The following KAZN variants were observed in gnomAD, a reference collection of about 807,000 sequenced individuals.
KAZN encodes kazrin.
KAZN carries 40 observed loss-of-function variants against 87.4 expected under a neutral mutation model. The ratio of observed to expected loss-of-function variants is 0.46; its 90% CI spans 0.36 to 0.60. The LOEUF is 0.60. Among genes scored for constraint, KAZN ranks in the 20% least tolerant of loss-of-function variants. KAZN has a pLI of 0.00. For missense variants in KAZN, 898 were observed against 1,073.9 expected (o/e 0.84, Z 2.29); for synonymous variants, 466 against 458.3 (o/e 1.02, Z -0.22).
At chr1:14,056,783 T>C (rs567956845) in intron 1 of KAZN, among the ~76,000 whole-genome samples, 1 of 152,176 alleles carries the variant, frequency 6.6e-6, no homozygotes, top group Admixed American at 6.5e-5. Flanking sequence ...GGCCTTTTTT[T>C]AGACATAGCA....
chr1:14,438,278 G>A (rs575577529), intron 2 of KAZN, among the ~76,000 whole-genome samples: 14 of 152,164 alleles, frequency 9.2e-5, no homozygotes, highest in Non-Finnish European at 1.9e-4. Context: ...TCCCAATGCT[G>A]GGGATATGTC....
At chr1:14,369,672 T>C (rs567979305) in intron 2 of KAZN, among the ~76,000 whole-genome samples, 1 of 152,196 alleles carries the variant, frequency 6.6e-6, no homozygotes, top group South Asian at 2.1e-4. Context: ...TCGAGGAAGG[T>C]ATTTAGCAAA....
At chr1:14,733,847 G>A (rs962156127) in intron 1 of KAZN, among the ~76,000 whole-genome samples, 19 of 152,150 alleles carry the variant, frequency 1.2e-4, no homozygotes, top group Admixed American at 1.2e-3. Context: ...TCTGGGGTTT[G>A]GCCCCCCGAT....
At chr1:14,815,042 T>C (rs1646522904) in intron 1 of KAZN, among the ~76,000 whole-genome samples, 1 of 151,942 alleles carries the variant, frequency 6.6e-6, no homozygotes, top group Admixed American at 6.6e-5. Flanking sequence ...AGGGCCTGAG[T>C]GGGGCTCTGA....
chr1:14,082,797 G>A (rs766462045), intron 1 of KAZN, among the ~76,000 whole-genome samples: 4 of 152,114 alleles, frequency 2.6e-5, no homozygotes, highest in Admixed American at 6.5e-5. Context: ...GTAGAAATCC[G>A]ATCTGGTCAA....
At chr1:14,157,810 C>A (rs983842345) in intron 1 of KAZN, among the ~76,000 whole-genome samples, 1 of 152,054 alleles carries the variant, frequency 6.6e-6, no homozygotes, top group Non-Finnish European at 1.5e-5. Context: ...CTGGGGGGGC[C>A]TCAGGAAGCT....
At chr1:14,222,274 G>A (rs1459497864) in intron 2 of KAZN, among the ~76,000 whole-genome samples, 1 of 152,156 alleles carries the variant, frequency 6.6e-6, no homozygotes, top group African/African-American at 2.4e-5. Context: ...GCTGGTCACG[G>A]CCATGCCCGT....
At chr1:15,043,306 T>C (rs1673108501) in intron 3 of KAZN, among the ~76,000 whole-genome samples, 2 of 152,328 alleles carry the variant, frequency 1.3e-5, no homozygotes, top group African/African-American at 4.8e-5. Context: ...GAACAACTAT[T>C]GCACCCTAAC....
rs564393984 is a variant in KAZN at position 14,184,014 on chromosome 1, G to A, written c.249+3422G>A. Among the ~76,000 whole-genome samples the A allele has an allele frequency of 5.3e-5, 8 of 152,218 alleles. No individual in the cohort carries two copies. Among genetic ancestry groups the A allele is most frequent in the South Asian group, 2.1e-4 (1 of 4,814 alleles). The stretch of plus-strand genomic sequence containing the variant: ...AGCTTGCTTTAAGGGAGGCTGAATC[G>A]TTGGTATACCCTTCCCAGAGGTCCA... On this transcript the variant is annotated intron_variant, in intron 2 of 16. Transcript: ENST00000636203. This position sits in a 1 kb window ranked among gnomAD's most constrained non-coding sequence, Gnocchi z 4.2.
chr1:14,757,630 T>A (rs896881409), intron 1 of KAZN, among the ~76,000 whole-genome samples: 1 of 152,048 alleles, frequency 6.6e-6, no homozygotes, highest in Admixed American at 6.5e-5. Flanking sequence ...TGGAGGAGAG[T>A]CCAGGAATCA....
intron 2 of KAZN, among the ~76,000 whole-genome samples, chr1:15,031,172 A>G (rs758502847): frequency 1.3e-5 from 2 of 152,208 alleles, no homozygotes; most frequent in Non-Finnish European, 2.9e-5. Context: ...GGGAGCTTCA[A>G]TGTGGAGGCA....
At chr1:14,030,667 CA>C (rs1641287272) in intron 1 of KAZN, among the ~76,000 whole-genome samples, 1 of 151,428 alleles carries the variant, frequency 6.6e-6, no homozygotes, top group Non-Finnish European at 1.5e-5. Context: ...CACACACACA[CA>C]CACACACACC....
chr1:14,433,356 C>T (rs751876592), intron 2 of KAZN, among the ~76,000 whole-genome samples: 2 of 152,186 alleles, frequency 1.3e-5, no homozygotes, highest in Non-Finnish European at 2.9e-5. Flanking sequence ...GTGCACTCTT[C>T]GGTGCCCAGT....
Position 15,077,448 on chromosome 1 carries a change from A to G in KAZN, c.1222+11695A>G, listed in dbSNP as rs1639809072. On this transcript the variant is annotated intron_variant, in intron 8 of 14. Coordinates refer to ENST00000376030, the MANE Select transcript of KAZN (RefSeq NM_201628.3). The surrounding 1 kb of genome is among the most constrained non-coding windows in gnomAD (Gnocchi z 4.8). ...TTTCTCAACCCAGAGAAGTGTTCCC[A>G]AGACTTAGAGTGTTTGGGGAGTGGC... is the stretch of plus-strand genomic sequence containing the variant. Among the ~76,000 whole-genome samples the G allele has an allele frequency of 6.6e-6, 1 of 152,166 alleles. No homozygotes were observed.
chr1:14,512,883 C>T (rs1376432747), intron 2 of KAZN, among the ~76,000 whole-genome samples: 1 of 152,202 alleles, frequency 6.6e-6, no homozygotes, highest in African/African-American at 2.4e-5. Context: ...CTTCCTTGGA[C>T]GATCAGGCCG....
At chr1:15,108,821 T>TC (rs961012602) in intron 13 of KAZN, among the ~76,000 whole-genome samples, 4 of 152,056 alleles carry the variant, frequency 2.6e-5, no homozygotes, top group Middle Eastern at 3.2e-3. Flanking sequence ...CATCAAAAGT[T>TC]CCCCTTCTAA....
chr1:14,735,097 T>C lies in KAZN; in HGVS notation c.226+135874T>C, dbSNP rs1643860254. 6.6e-6 allele frequency among the ~76,000 whole-genome samples: 1 copy of C among 152,186 alleles called. No homozygotes were observed. The highest frequency in any genetic ancestry group is 1.5e-5 in the Non-Finnish European group (1 of 68,038). ...TGTTTTGAGACGGAGTCTCGCTCTT[T>C]CGCCCAGGCCGGACTGTAGTGGCGC... On this transcript the variant is annotated intron_variant, in intron 1 of 14. Coordinates refer to ENST00000376030, the MANE Select transcript of KAZN (RefSeq NM_201628.3). This position sits in a 1 kb window ranked among gnomAD's most constrained non-coding sequence, Gnocchi z 4.3.
intron 1 of KAZN, among the ~76,000 whole-genome samples, chr1:14,848,699 C>T (rs1017921344): frequency 2.0e-5 from 3 of 152,098 alleles, no homozygotes; most frequent in Non-Finnish European, 4.4e-5. Flanking sequence ...GGCAGCTGCC[C>T]GCTCTCCCCG....
In KAZN at chr1:13,973,214, A is replaced by G. The variant is rs192678154; in HGVS notation, c.91+79458A>G. On this transcript the variant is annotated intron_variant, in intron 1 of 16. Transcript: ENST00000636203. Reference sequence around the variant, plus strand: ...GTTCTCCCTTGACATGTATCATCTCATGTAAACTTCATAACAACCTCATGG... The same window carrying G: ...GTTCTCCCTTGACATGTATCATCTCGTGTAAACTTCATAACAACCTCATGG... Among the ~76,000 whole-genome samples the G allele has an allele frequency of 2.0e-5, 3 of 152,150 alleles. 1 individual carries two copies. In the East Asian group the frequency reaches 5.8e-4, roughly 29 times the overall value.
Sources: allele counts gnomAD v4.1 joint callset (sites outside exome capture counted in the v4.1 genomes callset), GRCh38; gene constraint gnomAD v4.1.1; non-coding constraint Gnocchi (gnomAD v3.1); transcripts MANE v1.5; gene names NCBI Gene and HGNC (gene_info 2026-07-23, HGNC 2026-07-21).